SLC17A3: variants seen among roughly 807,000 people sequenced by gnomAD.
The protein encoded by SLC17A3 is solute carrier family 17 member 3.
SLC17A3 carries 61 observed loss-of-function variants against 60.3 expected under a neutral mutation model. The observed-to-expected ratio is 1.01, with a 90% CI of 0.82 to 1.25. The LOEUF (loss-of-function observed/expected upper bound fraction) is 1.25. Ranked by LOEUF, SLC17A3 falls within the 50% of genes most tolerant of loss-of-function variation. SLC17A3 has a pLI of 0.00. For synonymous variants in SLC17A3, 192 were observed against 208.9 expected, an observed-to-expected ratio of 0.92 and a Z score of 0.70; for missense variants, 624 against 594.9, an observed-to-expected ratio of 1.05 and a Z score of -0.51.
chr6:25,870,386 T>A (rs1334257386), intron 1 of SLC17A3, among the ~76,000 whole-genome samples: 2 of 152,024 alleles, frequency 1.3e-5, no homozygotes, highest in East Asian at 3.9e-4. Context: ...CCATTAGCAA[T>A]TTTTCTCCCT....
Position 25,850,503 on chromosome 6 carries a change from T to G in SLC17A3, c.949A>C (p.Ile317Leu), listed in dbSNP as rs201226629. ...TACACAGAGCTGATGTAAGTTGGTA[T>G]GTATACAACCATTGTGCTAACTAAC... ...QWLVSTMVVY[I>L]PTYISSVYHV... Residue 317 changes from isoleucine to leucine, a missense_variant, in exon 8 of 13, where the codon ATA becomes CTA. By Grantham distance (5) the Ile-to-Leu change is conservative. Transcript: ENST00000397060. 6.8e-6 allele frequency: 11 copies of G among 1,613,888 alleles called. No homozygotes were observed. The African/African-American group carries it at 1.5e-4, about 22-fold the overall frequency.
intron 8 of SLC17A3, 104 bp downstream of exon 8, chr6:25,850,355 T>C: frequency 1.4e-6 from 2 of 1,392,372 alleles, no homozygotes; most frequent in Non-Finnish European, 2.0e-6. Context: ...ATTAGATTAT[T>C]TTTGGTAATA....
At chr6:25,862,094 C>G (rs1765459740) in intron 3 of SLC17A3, 65 bp from the exon 4 acceptor site, 1 of 1,419,562 alleles carries the variant, frequency 7.0e-7, no homozygotes, top group African/African-American at 1.4e-5. Flanking sequence ...CCCTAGAAAG[C>G]TCCTTTAGAC....
chr6:25,845,571 CATT>C (rs995090445), intron 11 of SLC17A3, 55 bp from the exon 12 acceptor site: 9 of 1,580,836 alleles, frequency 5.7e-6, no homozygotes, highest in Non-Finnish European at 7.8e-6. Context: ...TCCTATGAAA[CATT>C]ATATTAATAG....
intron 1 of SLC17A3, among the ~76,000 whole-genome samples, chr6:25,871,157 A>G (rs1048119390): frequency 2.0e-5 from 3 of 152,142 alleles, no homozygotes; most frequent in Non-Finnish European, 4.4e-5. Context: ...CCAAAGGATT[A>G]TAAAACATGC....
At chr6:25,859,952 T>C (rs1442923361) in intron 5 of SLC17A3, among the ~76,000 whole-genome samples, 2 of 152,270 alleles carry the variant, frequency 1.3e-5, no homozygotes, top group East Asian at 1.9e-4. Flanking sequence ...AGCCTATCTG[T>C]TCTATGACCT....
At chr6:25,850,268 T>C (rs969106387) in intron 8 of SLC17A3, 91 bp from the exon 9 acceptor site, 2 of 1,447,334 alleles carry the variant, frequency 1.4e-6, no homozygotes, top group Non-Finnish European at 1.9e-6. Context: ...AATGACATTC[T>C]GAAATCATAC....
rs369490568 is a variant in SLC17A3 at position 25,850,824 on chromosome 6, G to A, written c.766C>T (p.Pro256Ser). 1.1e-5 allele frequency: 17 copies of A among 1,613,892 alleles called. No individual in the cohort carries two copies. The African/African-American group carries it at 1.6e-4, about 15-fold the overall frequency. The change falls in exon 7 of 13, where the codon CCC (proline) becomes TCC (serine). Residue 256 changes from proline to serine, a missense_variant. Pro to Ser is a moderately conservative substitution (Grantham distance 74). Transcript: ENST00000397060. ...GTGCTTATCCATGGATAGGAAACGG[G>A]GTCATCATAAATCACAACAAACCAG... ...LLWFVVIYDD[P>S]VSYPWISTSE...
intron 5 of SLC17A3, among the ~76,000 whole-genome samples, chr6:25,860,411 C>T (rs534194573): frequency 6.6e-6 from 1 of 152,220 alleles, no homozygotes; most frequent in South Asian, 2.1e-4. Flanking sequence ...TTCCATCCAC[C>T]AGTACAGTCT....
intron 2 of SLC17A3, among the ~76,000 whole-genome samples, chr6:25,864,694 A>G (rs1765507240): frequency 6.6e-6 from 1 of 151,998 alleles, no homozygotes; most frequent in South Asian, 2.1e-4. Flanking sequence ...TAAAACAGAG[A>G]TGCCTCTTAG....
chr6:25,872,719 A>C (rs888688744), intron 1 of SLC17A3, among the ~76,000 whole-genome samples: 2 of 151,760 alleles, frequency 1.3e-5, no homozygotes, highest in African/African-American at 4.8e-5. Flanking sequence ...TCTTGCTAAG[A>C]TGACATCCTT....
chr6:25,866,302 CAGCCAAAATCT>C (rs1300261330), intron 2 of SLC17A3, among the ~76,000 whole-genome samples: 6 of 152,042 alleles, frequency 3.9e-5, no homozygotes, highest in African/African-American at 1.4e-4. Flanking sequence ...GAATGGCCTT[CAGCCAAAATCT>C]AGCAAACAGC....
rs149095818 is a variant in SLC17A3 at position 25,846,043 on chromosome 6, T to C, written c.1363-527A>G. 3.3e-4 allele frequency among the ~76,000 whole-genome samples: 51 copies of C among 152,342 alleles called. 2 individuals carry two copies. The East Asian group carries it at 9.1e-3, about 27-fold the overall frequency. On this transcript the variant is annotated intron_variant, in intron 11 of 12. Transcript: ENST00000397060. ...TTACAGCATATGAAATACCTATGCA[T>C]ACATCACACACTTAATGTTTGCTTT...
At chr6:25,847,705 T>A (rs1765200945) in intron 11 of SLC17A3, among the ~76,000 whole-genome samples, 1 of 151,958 alleles carries the variant, frequency 6.6e-6, no homozygotes, top group South Asian at 2.1e-4. Context: ...GCATGTATGT[T>A]TTCTTTTAAA....
chr6:25,870,274 A>G (rs1765620383), intron 1 of SLC17A3, among the ~76,000 whole-genome samples: 1 of 151,942 alleles, frequency 6.6e-6, no homozygotes, highest in Non-Finnish European at 1.5e-5. Context: ...CCCTGGTTCT[A>G]TATTCAAAGA....
chr6:25,861,621 T>C lies in SLC17A3; in HGVS notation c.625+3A>G. The C allele has an allele frequency of 3.1e-6, 5 of 1,613,534 alleles. No homozygotes were observed. The highest frequency in any genetic ancestry group is 4.2e-6 in the Non-Finnish European group (5 of 1,179,438). The stretch of plus-strand genomic sequence containing the variant: ...TGTACCCATTTGGATTACATGTCCT[T>C]ACCTGATAAAGCAATGCTGCAGAGT... On this transcript the variant is annotated splice_donor_region_variant and intron_variant, in intron 5 of 12. Transcript: ENST00000397060.
intron 2 of SLC17A3, among the ~76,000 whole-genome samples, chr6:25,863,727 C>A (rs963668139): frequency 2.0e-5 from 3 of 152,070 alleles, no homozygotes; most frequent in Non-Finnish European, 4.4e-5. Context: ...TGGGATTGTC[C>A]AGTTCACCCT....
chr6:25,865,747 C>T (rs1409078010), intron 2 of SLC17A3, among the ~76,000 whole-genome samples: 1 of 151,886 alleles, frequency 6.6e-6, no homozygotes, highest in East Asian at 1.9e-4. Context: ...TGAACTATAC[C>T]AGTTGTGCCT....
chr6:25,862,323 G>T lies in SLC17A3; in HGVS notation c.213C>A (p.Ser71Arg), dbSNP rs1182574503. The T allele has an allele frequency of 9.3e-6, 15 of 1,613,714 alleles. No homozygotes were observed. The highest frequency in any genetic ancestry group is 1.2e-5 in the Non-Finnish European group (14 of 1,179,820). Residue 71 changes from serine (S) to arginine (R), a missense_variant, in exon 3 of 13, where the codon AGC (serine) becomes AGA (arginine). By Grantham distance (110) the Ser-to-Arg change is moderately radical. Transcript: ENST00000397060. ...AGGAATCATTGAGCTGGGATTGAGG[G>T]CTTGTGCTGTTGACCATGGCTACCA... ...ITMVAMVNST[S>R]PQSQLNDSSE... is the part of the protein sequence containing the mutation.
Sources: gnomAD v4.1 joint callset for allele counts (sites outside exome capture counted in the v4.1 genomes callset) on GRCh38, gnomAD v4.1.1 for gene constraint, MANE v1.5 for transcripts, NCBI Gene and HGNC (gene_info 2026-07-23, HGNC 2026-07-21) for gene names.